Variants in ADAMTSL3 observed in about 807,000 individuals in gnomAD.
The protein encoded by ADAMTSL3 is ADAMTS like 3.
In ADAMTSL3, 128 loss-of-function variants were observed where a neutral mutation model predicts 201.7. That is an observed-to-expected ratio of 0.63 (90% confidence interval 0.55 to 0.73). The LOEUF (loss-of-function observed/expected upper bound fraction) is 0.73, where lower values mean the gene tolerates loss of function less well. Among genes scored for constraint, ADAMTSL3 ranks in the 30% least tolerant of loss-of-function variants. ADAMTSL3 has a pLI of 0.00. For missense variants in ADAMTSL3, 1,990 were observed against 2,119.6 expected (o/e 0.94, Z 1.20); for synonymous variants, 738 against 748.4 (o/e 0.99, Z 0.23).
At chr15:83,923,113 A>G (rs923913887) in intron 16 of ADAMTSL3, among the ~76,000 whole-genome samples, 3 of 152,174 alleles carry the variant, frequency 2.0e-5, no homozygotes, top group African/African-American at 7.2e-5. Flanking sequence ...GCAGTCTTGT[A>G]CTTTTTGGCT....
At chr15:84,010,367 A>G (rs2067984863) in intron 23 of ADAMTSL3, among the ~76,000 whole-genome samples, 1 of 152,212 alleles carries the variant, frequency 6.6e-6, no homozygotes, top group Admixed American at 6.5e-5. Flanking sequence ...CTATACAGTC[A>G]GTGCTTTATT....
intron 6 of ADAMTSL3, among the ~76,000 whole-genome samples, chr15:83,834,793 G>A (rs1052470822): frequency 2.0e-5 from 3 of 152,120 alleles, no homozygotes; most frequent in Admixed American, 1.3e-4. Context: ...GTAGTGTCTG[G>A]CAGTATAGAA....
chr15:83,863,816 T>A (rs2064918048), intron 8 of ADAMTSL3, among the ~76,000 whole-genome samples: 1 of 152,076 alleles, frequency 6.6e-6, no homozygotes, highest in Non-Finnish European at 1.5e-5. Flanking sequence ...AAAAAATCAA[T>A]GAATCCAGGA....
At chr15:83,739,043 A>G (rs2062412621) in intron 3 of ADAMTSL3, among the ~76,000 whole-genome samples, 1 of 151,842 alleles carries the variant, frequency 6.6e-6, no homozygotes, top group Non-Finnish European at 1.5e-5. Context: ...ATGTGGTCAA[A>G]GGAAAACAAA....
intron 4 of ADAMTSL3, among the ~76,000 whole-genome samples, chr15:83,801,637 A>AATATATATATAT (rs1212487067): frequency 5.6e-5 from 3 of 53,324 alleles, no homozygotes; most frequent in African/African-American, 7.4e-5. Flanking sequence ...TATATATATA[A>AATATATATATAT]ATATATAAAT....
chr15:83,868,996 C>A (rs185921352), intron 8 of ADAMTSL3, among the ~76,000 whole-genome samples: 28 of 152,242 alleles, frequency 1.8e-4, no homozygotes, highest in Non-Finnish European at 3.8e-4. Flanking sequence ...TCCCGATCTG[C>A]AACTTGGAAC....
At chr15:83,843,141 T>C (rs1375433025) in intron 7 of ADAMTSL3, among the ~76,000 whole-genome samples, 1 of 152,206 alleles carries the variant, frequency 6.6e-6, no homozygotes, top group Admixed American at 6.5e-5. Context: ...AAAATGCATG[T>C]GTATTTATAA....
chr15:83,886,823 G>C (rs900383762), intron 10 of ADAMTSL3, among the ~76,000 whole-genome samples: 1 of 152,150 alleles, frequency 6.6e-6, no homozygotes, highest in African/African-American at 2.4e-5. Context: ...TGGAATTTAG[G>C]CTCCCCCTAA....
At chr15:83,671,329 A>G (rs2061326580) in intron 2 of ADAMTSL3, among the ~76,000 whole-genome samples, 1 of 152,194 alleles carries the variant, frequency 6.6e-6, no homozygotes, top group Non-Finnish European at 1.5e-5. Context: ...CGTCCTCTTT[A>G]CTTTTTATAC....
chr15:83,781,916 G>C (rs892611993), intron 4 of ADAMTSL3, among the ~76,000 whole-genome samples: 2 of 152,104 alleles, frequency 1.3e-5, no homozygotes, highest in Non-Finnish European at 2.9e-5. Flanking sequence ...AAGTCAATAA[G>C]TAACAGATGC....
intron 2 of ADAMTSL3, among the ~76,000 whole-genome samples, chr15:83,691,444 G>C (rs2061606361): frequency 6.6e-6 from 1 of 152,096 alleles, no homozygotes; most frequent in South Asian, 2.1e-4. Context: ...GGGCGCTTGG[G>C]CTCCCAACTG....
intron 3 of ADAMTSL3, among the ~76,000 whole-genome samples, chr15:83,730,156 G>T (rs1286751347): frequency 2.0e-5 from 3 of 152,128 alleles, no homozygotes; most frequent in East Asian, 3.9e-4. Context: ...GGAGTTCTAT[G>T]TGAGCTGAAG....
intron 19 of ADAMTSL3, among the ~76,000 whole-genome samples, chr15:83,944,450 A>G (rs889335039): frequency 6.6e-6 from 1 of 152,198 alleles, no homozygotes; most frequent in African/African-American, 2.4e-5. Context: ...AACTAACCTC[A>G]AGAAATAAGG....
At chr15:83,895,226 T>G (rs887750116) in intron 13 of ADAMTSL3, among the ~76,000 whole-genome samples, 3 of 152,214 alleles carry the variant, frequency 2.0e-5, no homozygotes, top group African/African-American at 7.2e-5. Context: ...TTAAGTCCTC[T>G]TTCTATTTTG....
Position 83,988,770 on chromosome 15 carries a change from G to A in ADAMTSL3, c.3796G>A (p.Ala1266Thr). The A allele has an allele frequency of 1.2e-6, 2 of 1,608,806 alleles. No individual in the cohort carries two copies. Among genetic ancestry groups the A allele is most frequent in the Non-Finnish European group, 1.7e-6 (2 of 1,176,870 alleles). The change falls in exon 22 of 30, where the codon GCT becomes ACT. Residue 1266 changes from alanine (A) to threonine (T), a missense_variant. Coordinates refer to ENST00000286744, the MANE Select transcript of ADAMTSL3 (RefSeq NM_207517.3). ...ACAAGGCATATATGAATGTTCTGTAGCTAATCATCTTGGTTCAGATGTGGA... is the reference window on the plus strand; with the variant it reads ...ACAAGGCATATATGAATGTTCTGTAACTAATCATCTTGGTTCAGATGTGGA... ...KEQGIYECSV[A>T]NHLGSDVESS...
chr15:83,880,304 G>C (rs2065246821), intron 9 of ADAMTSL3, among the ~76,000 whole-genome samples: 3 of 151,852 alleles, frequency 2.0e-5, no homozygotes. Context: ...CTTTTTATCT[G>C]TCATTTTACT....
rs774683915 is a variant in ADAMTSL3 at position 83,970,499 on chromosome 15, G to A, written c.2506G>A (p.Gly836Ser). ...GDWSKCSVSC[G>S]VGIQRRKQVC... ...CTCATTTCAGTGTTCTGTCAGTTGT[G>A]GTGTTGGAATCCAGAGAAGAAAGCA... Residue 836 changes from glycine to serine, a missense_variant, in exon 20 of 30, where the codon GGT becomes AGT. Coordinates refer to ENST00000286744, the MANE Select transcript of ADAMTSL3 (RefSeq NM_207517.3). The A allele has an allele frequency of 2.5e-6, 4 of 1,614,130 alleles. No homozygotes were observed. In the Admixed American group the frequency reaches 6.7e-5, roughly 27 times the overall value.
chr15:83,704,553 C>T (rs2061821919), intron 3 of ADAMTSL3, 45 bp downstream of exon 3: 10 of 1,553,318 alleles, frequency 6.4e-6, no homozygotes, highest in Non-Finnish European at 8.6e-6. Flanking sequence ...TGCTGTTTGC[C>T]AGTGGTCAGG....
chr15:83,816,906 G>A (rs1263255168), intron 5 of ADAMTSL3, among the ~76,000 whole-genome samples: 1 of 152,174 alleles, frequency 6.6e-6, no homozygotes, highest in Admixed American at 6.5e-5. Flanking sequence ...TGAGGTGGGA[G>A]GAAAACCTGA....
Sources: allele counts gnomAD v4.1 joint callset (sites outside exome capture counted in the v4.1 genomes callset), GRCh38; gene constraint gnomAD v4.1.1; transcripts MANE v1.5; gene names NCBI Gene and HGNC (gene_info 2026-07-23, HGNC 2026-07-21).